The following BABAM2 variants were observed in gnomAD, a reference collection of about 807,000 sequenced individuals.
BABAM2 encodes the protein BRISC and BRCA1 A complex member 2.
A neutral mutation model predicts 54.7 loss-of-function variants in BABAM2; 31 were observed. That is an observed-to-expected ratio of 0.57 (90% CI 0.43 to 0.77). The LOEUF (loss-of-function observed/expected upper bound fraction) is 0.77, where lower values mean the gene tolerates loss of function less well. Among genes scored for constraint, BABAM2 ranks in the 30% least tolerant of loss-of-function variants. The pLI, the probability that BABAM2 is intolerant of heterozygous loss-of-function variation, is 0.00. For missense variants in BABAM2, 364 were observed against 455.8 expected, an observed-to-expected ratio of 0.80 and a Z score of 1.83; for synonymous variants, 167 against 162.9, an observed-to-expected ratio of 1.03 and a Z score of -0.19.
Position 28,325,642 on chromosome 2 carries a change from C to T in BABAM2, c.1089-12808C>T, listed in dbSNP as rs111768809. ...GAAAGCCCAGAGAGCCAGGTGTCTG[C>T]GGTGTGATTTCAGCTGTCAGGGGGA... On this transcript the variant is annotated intron_variant, in intron 11 of 11. Transcript: ENST00000379624. This position sits in a 1 kb window ranked among gnomAD's most constrained non-coding sequence, Gnocchi z 4.3. 0.015 allele frequency among the ~76,000 whole-genome samples: 2,241 copies of T among 152,218 alleles called. 63 individuals carry two copies. Among genetic ancestry groups the T allele is most frequent in the African/African-American group, 0.051 (2,126 of 41,522 alleles).
At chr2:28,237,751 C>T (rs890291263) in intron 8 of BABAM2, among the ~76,000 whole-genome samples, 1 of 152,214 alleles carries the variant, frequency 6.6e-6, no homozygotes, top group African/African-American at 2.4e-5. Context: ...TGTTTCTGTA[C>T]CTTACTTTTT....
rs1201209450 is a variant in BABAM2 at position 28,112,147 on chromosome 2, TTACCTCCCTCCCTCCCTCCC to T, written c.571-17122_571-17103del. ...TTTCTTTCTTTCTTTCTTTCTTTCT[TTACCTCCCTCCCTCCCTCCC>T]TCCCTCCCTCCCTCCCTCCCTCCCT... On this transcript the variant is annotated intron_variant, in intron 6 of 11. Transcript: ENST00000379624. 2.9e-3 allele frequency among the ~76,000 whole-genome samples: 15 copies of T among 5,244 alleles called. 1 individual carries two copies. Among genetic ancestry groups the T allele is most frequent in the African/African-American group, 0.014 (14 of 1,028 alleles). 3.4% of individuals were successfully genotyped at this position (5,244 alleles called of 152,430 possible).
chr2:27,890,447 T>C (rs1664722244), upstream of BABAM2: 6 of 1,143,732 alleles, frequency 5.2e-6, no homozygotes, highest in Non-Finnish European at 7.5e-6. The surrounding 1 kb of genome is among the most constrained non-coding windows in gnomAD (Gnocchi z 4.8). Flanking sequence ...ACGCGGGCCT[T>C]TCAGACGCCT....
intron 6 of BABAM2, among the ~76,000 whole-genome samples, chr2:28,048,775 G>T (rs1157718072): frequency 6.6e-6 from 1 of 152,164 alleles, no homozygotes; most frequent in Admixed American, 6.5e-5. Flanking sequence ...AATGATCAAA[G>T]TGCAAGTATT....
chr2:28,070,880 C>A (rs1664074999), intron 6 of BABAM2, among the ~76,000 whole-genome samples: 1 of 152,034 alleles, frequency 6.6e-6, no homozygotes, highest in South Asian at 2.1e-4. Context: ...TTTTTATATA[C>A]CTTTAGAAAA....
intron 6 of BABAM2, among the ~76,000 whole-genome samples, chr2:28,106,284 A>G (rs769501169): frequency 1.2e-4 from 18 of 152,268 alleles, no homozygotes; most frequent in Non-Finnish European, 2.5e-4. Flanking sequence ...TAAATCATTT[A>G]TCATCATTGT....
At chr2:28,136,394 G>A (rs745327354) in intron 7 of BABAM2, among the ~76,000 whole-genome samples, 1 of 152,250 alleles carries the variant, frequency 6.6e-6, no homozygotes, top group Non-Finnish European at 1.5e-5. Context: ...TCAGTTGAGG[G>A]CTGGTGAGCC....
At chr2:28,200,202 T>A (rs10203395) in intron 7 of BABAM2, among the ~76,000 whole-genome samples, 1 of 152,100 alleles carries the variant, frequency 6.6e-6, no homozygotes, top group Non-Finnish European at 1.5e-5. Context: ...GACATTGTAT[T>A]TCTTCACTGA....
intron 7 of BABAM2, among the ~76,000 whole-genome samples, chr2:28,219,202 A>T (rs1680174094): frequency 6.6e-6 from 1 of 152,160 alleles, no homozygotes; most frequent in African/African-American, 2.4e-5. Context: ...TTGTTCAGAG[A>T]GTTCAGTCCC....
intron 2 of BABAM2, among the ~76,000 whole-genome samples, chr2:27,898,194 CTG>C (rs1168929789): frequency 6.6e-6 from 1 of 151,946 alleles, no homozygotes; most frequent in African/African-American, 2.4e-5. Flanking sequence ...CTCTTTTTTT[CTG>C]TGTTTTTGAA....
At chr2:28,205,548 C>T (rs1678755158) in intron 7 of BABAM2, among the ~76,000 whole-genome samples, 1 of 151,992 alleles carries the variant, frequency 6.6e-6, no homozygotes, top group Admixed American at 6.6e-5. Flanking sequence ...ATTATTACCC[C>T]TACTTTACAG....
intron 6 of BABAM2, among the ~76,000 whole-genome samples, chr2:28,122,500 C>T (rs936876074): frequency 6.6e-6 from 1 of 152,116 alleles, no homozygotes; most frequent in Non-Finnish European, 1.5e-5. Context: ...AGTGGTTTTG[C>T]TAGTAACAGT....
intron 6 of BABAM2, among the ~76,000 whole-genome samples, chr2:28,125,747 C>T (rs1669468902): frequency 6.6e-6 from 1 of 152,106 alleles, no homozygotes; most frequent in African/African-American, 2.4e-5. Context: ...TACACTGAGA[C>T]AAGCATACAC....
At chr2:28,148,355 C>A (rs985606252) in intron 7 of BABAM2, among the ~76,000 whole-genome samples, 8 of 152,236 alleles carry the variant, frequency 5.3e-5, no homozygotes, top group South Asian at 4.2e-4. Flanking sequence ...CAGGCAGCCC[C>A]CCACTAATAA....
intron 6 of BABAM2, among the ~76,000 whole-genome samples, chr2:28,074,713 G>A (rs1369903928): frequency 2.0e-5 from 3 of 151,948 alleles, no homozygotes; most frequent in African/African-American, 7.3e-5. Flanking sequence ...GTTGGGGTGA[G>A]GGGAGGTGAA....
chr2:28,077,076 C>T (rs1259152744), intron 6 of BABAM2, among the ~76,000 whole-genome samples: 1 of 152,174 alleles, frequency 6.6e-6, no homozygotes, highest in Non-Finnish European at 1.5e-5. Context: ...CAGGCCTTTT[C>T]AGCCTTTAGG....
chr2:28,135,952 C>A (rs1264477329), intron 7 of BABAM2, among the ~76,000 whole-genome samples: 1 of 152,100 alleles, frequency 6.6e-6, no homozygotes, highest in African/African-American at 2.4e-5. Flanking sequence ...CCTGTAATGT[C>A]CTTGCTGAGA....
chr2:28,310,128 C>T, intron 11 of BABAM2: 1 of 1,614,140 alleles, frequency 6.2e-7, no homozygotes, highest in Non-Finnish European at 8.5e-7. Flanking sequence ...TGCCTGACAT[C>T]CAGGCATCCT....
At chr2:28,135,317 C>T (rs925570140) in intron 7 of BABAM2, among the ~76,000 whole-genome samples, 2 of 152,198 alleles carry the variant, frequency 1.3e-5, no homozygotes, top group African/African-American at 4.8e-5. Flanking sequence ...ATCTGATCCT[C>T]ATGATAGTAT....
Sources: gnomAD v4.1 joint callset for allele counts (sites outside exome capture counted in the v4.1 genomes callset) on GRCh38, gnomAD v4.1.1 for gene constraint, Gnocchi (gnomAD v3.1) non-coding constraint, MANE v1.5 for transcripts, NCBI Gene and HGNC (gene_info 2026-07-23, HGNC 2026-07-21) for gene names.